Variants in WDFY2 observed in about 807,000 individuals in gnomAD.
WDFY2 encodes WD repeat and FYVE domain-containing protein 2.
A neutral mutation model predicts 56.4 loss-of-function variants in WDFY2; 36 were observed. That is an observed-to-expected ratio of 0.64 (90% CI 0.49 to 0.84). WDFY2 has a LOEUF of 0.84. WDFY2 is among the 40% of genes least tolerant of loss of function. WDFY2 has a pLI of 0.00. For missense variants in WDFY2, 444 were observed against 512.2 expected (o/e 0.87, Z 1.29); for synonymous variants, 176 against 183.7 (o/e 0.96, Z 0.34).
At chr13:51,595,683 T>G (rs1954131163) in intron 1 of WDFY2, among the ~76,000 whole-genome samples, 2 of 152,054 alleles carry the variant, frequency 1.3e-5, no homozygotes, top group South Asian at 2.1e-4. Context: ...GCTTTGATAT[T>G]TAGAAGAAGA....
At position 51,725,208 on chromosome 13, in the gene WDFY2, G is replaced by A. The variant is rs116636214; in HGVS notation, c.486-2470G>A. Reference sequence around the variant, plus strand: ...TAGTTCCTCATTTGGTTTATCCTACGGTTTATTTAAATGGTTCCAAAATAA... The same window carrying A: ...TAGTTCCTCATTTGGTTTATCCTACAGTTTATTTAAATGGTTCCAAAATAA... On this transcript the variant is annotated intron_variant, in intron 5 of 11. Transcript: ENST00000298125. 9.2e-3 allele frequency among the ~76,000 whole-genome samples: 1,393 copies of A among 152,074 alleles called. 18 individuals carry two copies. The highest frequency in any genetic ancestry group is 0.032 in the African/African-American group (1,316 of 41,462).
intron 3 of WDFY2, among the ~76,000 whole-genome samples, chr13:51,686,368 A>G (rs552504459): frequency 6.6e-6 from 1 of 152,226 alleles, no homozygotes; most frequent in African/African-American, 2.4e-5. Flanking sequence ...TACTGTTTTC[A>G]TGGCAGAAAT....
chr13:51,590,804 A>G (rs572327743), intron 1 of WDFY2: 1 of 152,240 alleles, frequency 6.6e-6, no homozygotes, highest in Non-Finnish European at 1.5e-5. Flanking sequence ...AACTTCAGCA[A>G]GCAGTCTTCT....
intron 10 of WDFY2, 134 bp downstream of exon 10, chr13:51,756,596 A>G: frequency 7.2e-7 from 1 of 1,389,240 alleles, no homozygotes; most frequent in Non-Finnish European, 9.3e-7. Flanking sequence ...GGCAAGCAGT[A>G]AAAGCTCTCC....
At chr13:51,602,049 T>C (rs1402132549) in intron 1 of WDFY2, among the ~76,000 whole-genome samples, 1 of 152,230 alleles carries the variant, frequency 6.6e-6, no homozygotes, top group Non-Finnish European at 1.5e-5. Flanking sequence ...CTTTGAGTTA[T>C]ATTAGGAAAA....
rs147375434 is a variant in WDFY2, at chr13:51,705,002, A to C, written c.334+1352A>C. Among the ~76,000 whole-genome samples, 420 of 152,300 alleles carry C rather than the reference A, an allele frequency of 2.8e-3. 6 individuals carry two copies. The highest frequency in any genetic ancestry group is 9.8e-3 in the African/African-American group (407 of 41,566). On this transcript the variant is annotated intron_variant, in intron 4 of 11. Coordinates refer to ENST00000298125, the MANE Select transcript of WDFY2 (RefSeq NM_052950.4). Reference sequence around the variant, plus strand: ...AGTGATGGATATCACTTCTGAGATTAGGTTACAAAGATACCAAAACTTCCA... The same window carrying C: ...AGTGATGGATATCACTTCTGAGATTCGGTTACAAAGATACCAAAACTTCCA...
intron 2 of WDFY2, among the ~76,000 whole-genome samples, chr13:51,669,970 A>T (rs1275056055): frequency 6.6e-6 from 1 of 152,214 alleles, no homozygotes; most frequent in Non-Finnish European, 1.5e-5. Context: ...CAGCTGTATT[A>T]TAATTTTATG....
At chr13:51,709,592 A>G (rs1306769701) in intron 4 of WDFY2, among the ~76,000 whole-genome samples, 1 of 152,176 alleles carries the variant, frequency 6.6e-6, no homozygotes, top group East Asian at 1.9e-4. Flanking sequence ...ATAAAAAATG[A>G]TAAAGGGGAT....
At chr13:51,597,018 A>ATG (rs1273496912) in intron 1 of WDFY2, among the ~76,000 whole-genome samples, 1 of 152,150 alleles carries the variant, frequency 6.6e-6, no homozygotes, top group African/African-American at 2.4e-5. Flanking sequence ...CTCTGGGGGC[A>ATG]TGTGTGGGCT....
In WDFY2 at chr13:51,667,879, C is replaced by CTTTTTTTTTTTTTT. The variant is rs66771214; in HGVS notation, c.205+7233_205+7246dup. ...GAAGAAAAAGGTACCTGAGGAACTT[C>CTTTTTTTTTTTTTT]TTTTTTTTTTTTTTTTTTTTTTTTT... On this transcript the variant is annotated intron_variant, in intron 2 of 11. Transcript: ENST00000298125. Among the ~76,000 whole-genome samples, 75 of 50,044 alleles carry CTTTTTTTTTTTTTT rather than the reference C, an allele frequency of 1.5e-3. 15 individuals are homozygous for CTTTTTTTTTTTTTT. The highest frequency in any genetic ancestry group is 3.8e-3 in the Admixed American group (11 of 2,862). 32.8% of individuals were successfully genotyped at this position (50,044 alleles called of 152,430 possible).
In WDFY2 at chr13:51,759,753, C is replaced by T. The variant is rs1396181162; in HGVS notation, c.1187C>T (p.Thr396Ile). The T allele has an allele frequency of 1.2e-6, 2 of 1,613,884 alleles. No individual in the cohort carries two copies. Among genetic ancestry groups the T allele is most frequent in the Non-Finnish European group, 1.7e-6 (2 of 1,179,870 alleles). The change falls in exon 12 of 12, where the codon ACC becomes ATC. Residue 396 changes from threonine (T) to isoleucine (I), a missense_variant. Physicochemically the swap from Thr to Ile is moderately conservative, Grantham distance 89. Coordinates refer to ENST00000298125, the MANE Select transcript of WDFY2 (RefSeq NM_052950.4). ...TDKVIKLWDMTPVVS is the reference protein window; with the variant it reads ...TDKVIKLWDMIPVVS ...TTCTTTTTGCAGTTGTGGGATATGA[C>T]CCCAGTCGTGTCTTGATGACTCTCC...
intron 6 of WDFY2, among the ~76,000 whole-genome samples, chr13:51,733,441 A>T (rs1402996129): frequency 6.6e-6 from 1 of 152,224 alleles, no homozygotes; most frequent in Non-Finnish European, 1.5e-5. Context: ...AAATGTTAGC[A>T]ACCACACAAA....
chr13:51,690,530 A>AT (rs1309141615), intron 3 of WDFY2, among the ~76,000 whole-genome samples: 5 of 151,834 alleles, frequency 3.3e-5, no homozygotes, highest in African/African-American at 4.8e-5. Flanking sequence ...TGAACTCATC[A>AT]TTTTTTATGG....
intron 3 of WDFY2, among the ~76,000 whole-genome samples, chr13:51,688,132 A>G (rs1369589954): frequency 6.6e-6 from 1 of 152,208 alleles, no homozygotes; most frequent in Non-Finnish European, 1.5e-5. Context: ...GTGTTCAGTC[A>G]GTACACAGTT....
chr13:51,633,504 AGTTTT>A (rs1954992730), intron 1 of WDFY2, among the ~76,000 whole-genome samples: 1 of 152,186 alleles, frequency 6.6e-6, no homozygotes. Flanking sequence ...GAATGGCAGC[AGTTTT>A]GTTGTGGGTG....
chr13:51,617,029 G>A (rs1391427659), intron 1 of WDFY2, among the ~76,000 whole-genome samples: 1 of 152,194 alleles, frequency 6.6e-6, no homozygotes, highest in Non-Finnish European at 1.5e-5. Flanking sequence ...ATATTTAGGA[G>A]AGATTTTGTG....
At chr13:51,642,939 G>T (rs1171552659) in intron 1 of WDFY2, among the ~76,000 whole-genome samples, 3 of 152,160 alleles carry the variant, frequency 2.0e-5, no homozygotes, top group Non-Finnish European at 4.4e-5. Context: ...GCCTCCCAAA[G>T]TGCTGGGATT....
Position 51,756,259 on chromosome 13 carries a change from G to T in WDFY2, c.934-73G>T. ...TGCAGTTGATTACACCTCTCTGCCA[G>T]GAGGGGTGAGATGCGGGGGCCTCAG... On this transcript the variant is annotated intron_variant, in intron 9 of 11. Coordinates refer to ENST00000298125, the MANE Select transcript of WDFY2 (RefSeq NM_052950.4). 4 of 1,545,344 alleles carry T rather than the reference G, an allele frequency of 2.6e-6. No individual in the cohort carries two copies. The South Asian group carries it at 3.8e-5, about 14-fold the overall frequency.
rs1952433474 is a variant in WDFY2 at position 51,719,226 on chromosome 13, G to C, written c.363G>C (p.Leu121=). 6.2e-7 allele frequency: 1 copy of C among 1,614,100 alleles called. No homozygotes were observed. The highest frequency in any genetic ancestry group is 8.5e-7 in the Non-Finnish European group (1 of 1,180,048). ...ATCAGAGCAGAGTGACGATGATCCT[G>C]TTTGTCCTGGAGCTGGAGTGGGTGC... ...QAHQSRVTMI[L]FVLELEWVLS... Residue 121 remains leucine, a synonymous_variant, in exon 5 of 12, where the codon CTG becomes CTC. Coordinates refer to ENST00000298125, the MANE Select transcript of WDFY2 (RefSeq NM_052950.4).
Sources: gnomAD v4.1 joint callset for allele counts (sites outside exome capture counted in the v4.1 genomes callset) on GRCh38, gnomAD v4.1.1 for gene constraint, MANE v1.5 for transcripts, NCBI Gene and HGNC (gene_info 2026-07-23, HGNC 2026-07-21) for gene names.